Variants in CSMD1 observed in about 807,000 individuals in gnomAD.
CSMD1 encodes CUB and Sushi multiple domains 1, also known as CUB and sushi domain-containing protein 1.
In CSMD1, 213 loss-of-function variants were observed where a neutral mutation model predicts 417.5. That is an observed-to-expected ratio of 0.51 (90% confidence interval 0.46 to 0.57). The LOEUF is 0.57. CSMD1 is among the 20% of genes least tolerant of loss of function. CSMD1 has a pLI of 0.00. For missense variants in CSMD1, 6,923 were observed against 4,529.7 expected, an observed-to-expected ratio of 1.53 and a Z score of -15.17; for synonymous variants, 2,862 against 1,736.8, an observed-to-expected ratio of 1.65 and a Z score of -16.11.
intron 6 of CSMD1, among the ~76,000 whole-genome samples, chr8:3,710,786 C>G (rs35962478): frequency 0.33 from 50,094 of 151,934 alleles, 8,418 homozygotes; most frequent in East Asian, 0.49. Context: ...CAGCTCATAT[C>G]AGGAAGCAAG....
At chr8:3,360,344 C>T (rs1809076672) in intron 20 of CSMD1, among the ~76,000 whole-genome samples, 1 of 152,242 alleles carries the variant, frequency 6.6e-6, no homozygotes, top group African/African-American at 2.4e-5. Context: ...ACGTTCTTTA[C>T]AGCCAACTCC....
intron 2 of CSMD1, among the ~76,000 whole-genome samples, chr8:4,556,040 A>G (rs1798073008): frequency 6.6e-6 from 1 of 152,134 alleles, no homozygotes; most frequent in South Asian, 2.1e-4. Flanking sequence ...AATGAATTAA[A>G]TAAAATATAA....
chr8:3,159,529 C>G (rs539760336), intron 38 of CSMD1, among the ~76,000 whole-genome samples: 1 of 152,148 alleles, frequency 6.6e-6, no homozygotes, highest in Non-Finnish European at 1.5e-5. Context: ...ATGCAAGGAA[C>G]AATGCTTTTC....
At chr8:4,161,703 G>T (rs552996786) in intron 3 of CSMD1, among the ~76,000 whole-genome samples, 5 of 152,208 alleles carry the variant, frequency 3.3e-5, no homozygotes, top group African/African-American at 1.2e-4. Flanking sequence ...AATCTGCCAC[G>T]AATCATAAGA....
chr8:4,928,036 CCT>C (rs1183487670), intron 1 of CSMD1, among the ~76,000 whole-genome samples: 4 of 152,186 alleles, frequency 2.6e-5, no homozygotes, highest in African/African-American at 9.7e-5. Context: ...GAAATCCTTC[CCT>C]GATACAGGAT....
chr8:3,555,703 T>C (rs1463247802), intron 10 of CSMD1, among the ~76,000 whole-genome samples: 3 of 152,324 alleles, frequency 2.0e-5, no homozygotes, highest in African/African-American at 7.2e-5. Flanking sequence ...AAATAAAATA[T>C]GTGTCTATCA....
At chr8:4,947,493 G>A (rs1808448661) in intron 1 of CSMD1, among the ~76,000 whole-genome samples, 1 of 152,066 alleles carries the variant, frequency 6.6e-6, no homozygotes, top group Non-Finnish European at 1.5e-5. Flanking sequence ...GAGAAAATGA[G>A]AACCATGTGG....
At chr8:3,077,698 C>T (rs1338554283) in intron 49 of CSMD1, among the ~76,000 whole-genome samples, 1 of 152,242 alleles carries the variant, frequency 6.6e-6, no homozygotes, top group East Asian at 1.9e-4. Flanking sequence ...CAGCCCCGAC[C>T]CCGGCTTGCC....
intron 3 of CSMD1, among the ~76,000 whole-genome samples, chr8:4,382,306 A>T (rs916212827): frequency 6.6e-6 from 1 of 152,206 alleles, no homozygotes; most frequent in South Asian, 2.1e-4. Context: ...CAGAAAAAAG[A>T]GAGGAGTTAT....
rs111788217 is a variant in CSMD1 at position 4,494,180 on chromosome 8, C to T, written c.303-74115G>A. On this transcript the variant is annotated intron_variant, in intron 2 of 69. Coordinates refer to ENST00000635120, the MANE Select transcript of CSMD1 (RefSeq NM_033225.6). Reference sequence around the variant, plus strand: ...TTTCAAAAACCAATATTCCTGTCAGCCACATAAATGTTAAGAAACCAGCTC... The same window carrying T: ...TTTCAAAAACCAATATTCCTGTCAGTCACATAAATGTTAAGAAACCAGCTC... 2.5e-3 allele frequency among the ~76,000 whole-genome samples: 373 copies of T among 152,226 alleles called. 3 individuals are homozygous for T. The highest frequency in any genetic ancestry group is 7.7e-3 in the African/African-American group (321 of 41,536).
intron 2 of CSMD1, among the ~76,000 whole-genome samples, chr8:4,607,963 C>A (rs1182483391): frequency 6.6e-6 from 1 of 152,098 alleles, no homozygotes; most frequent in African/African-American, 2.4e-5. Context: ...TTCCCCAGCC[C>A]ACCTGTATCA....
intron 18 of CSMD1, chr8:3,373,220 A>G (rs7843947): frequency 0.31 from 47,659 of 151,766 alleles, 8,478 homozygotes; most frequent in African/African-American, 0.51. Context: ...CATCAGGAAA[A>G]GTTACTTGAT....
chr8:3,634,473 T>C (rs971618553), intron 7 of CSMD1, among the ~76,000 whole-genome samples: 21 of 152,226 alleles, frequency 1.4e-4, no homozygotes, highest in Admixed American at 1.2e-3. Context: ...ACAACTCTAC[T>C]GGGAGTGGAC....
rs546639623 is a variant in CSMD1, at chr8:3,429,357, G to C, written c.1562-19752C>G. ...AAAAATTATTTTGGGAAACAATTTG[G>C]TAACTTTTTAAAAAGTTAAACATGT... On this transcript the variant is annotated intron_variant, in intron 12 of 69. Coordinates refer to ENST00000635120, the MANE Select transcript of CSMD1 (RefSeq NM_033225.6). Among the ~76,000 whole-genome samples the C allele has an allele frequency of 4.6e-5, 7 of 152,290 alleles. No individual in the cohort carries two copies. The East Asian group carries it at 1.3e-3, about 29-fold the overall frequency.
At chr8:3,365,234 A>C (rs1809478267) in intron 20 of CSMD1, among the ~76,000 whole-genome samples, 1 of 152,240 alleles carries the variant, frequency 6.6e-6, no homozygotes, top group Admixed American at 6.5e-5. Flanking sequence ...TTTCCAAGAA[A>C]TCAAGTGGTC....
chr8:4,613,969 A>G (rs548406596), intron 2 of CSMD1, among the ~76,000 whole-genome samples: 19 of 152,094 alleles, frequency 1.2e-4, no homozygotes, highest in Non-Finnish European at 2.4e-4. Context: ...ATTGTTAGGA[A>G]TCTTCATGGA....
At chr8:4,397,098 T>C (rs1225257474) in intron 3 of CSMD1, among the ~76,000 whole-genome samples, 1 of 152,100 alleles carries the variant, frequency 6.6e-6, no homozygotes, top group Non-Finnish European at 1.5e-5. Flanking sequence ...CTCTTTTCCC[T>C]AAGAAGAGTA....
intron 20 of CSMD1, among the ~76,000 whole-genome samples, chr8:3,364,676 TG>T (rs1809438347): frequency 2.6e-5 from 4 of 152,154 alleles, no homozygotes; most frequent in Non-Finnish European, 5.9e-5. Context: ...TTTTACCCCA[TG>T]GGGATATGGG....
intron 3 of CSMD1, among the ~76,000 whole-genome samples, chr8:4,068,506 G>C (rs1216717405): frequency 1.3e-5 from 2 of 152,158 alleles, no homozygotes; most frequent in African/African-American, 4.8e-5. Flanking sequence ...AAACAAAACA[G>C]GTTTAGTTTT....
Sources: gnomAD v4.1 joint callset for allele counts (sites outside exome capture counted in the v4.1 genomes callset) on GRCh38, gnomAD v4.1.1 for gene constraint, MANE v1.5 for transcripts, NCBI Gene and HGNC (gene_info 2026-07-23, HGNC 2026-07-21) for gene names.